IMMP2L: variants seen among roughly 807,000 people sequenced by gnomAD.
IMMP2L encodes mitochondrial inner membrane protease subunit 2.
IMMP2L carries 18 observed loss-of-function variants against 19.3 expected under a neutral mutation model. The ratio of observed to expected loss-of-function variants is 0.93; its 90% CI spans 0.64 to 1.38. The LOEUF is 1.38. Ranked by LOEUF, IMMP2L falls within the 40% of genes most tolerant of loss-of-function variation. IMMP2L has a pLI of 0.00. For synonymous variants in IMMP2L, 76 were observed against 73.0 expected (o/e 1.04, Z -0.21); for missense variants, 233 against 218.2 (o/e 1.07, Z -0.43).
At chr7:110,851,231 T>C (rs149208261) in intron 5 of IMMP2L, among the ~76,000 whole-genome samples, 3 of 152,250 alleles carry the variant, frequency 2.0e-5, no homozygotes, top group Non-Finnish European at 4.4e-5. Context: ...TTTAGCAATA[T>C]AAGTTCACAG....
intron 5 of IMMP2L, among the ~76,000 whole-genome samples, 186 bp downstream of exon 5, chr7:110,886,407 C>T (rs189116748): frequency 7.5e-4 from 114 of 152,066 alleles, no homozygotes; most frequent in African/African-American, 2.7e-3. Context: ...CACACACATA[C>T]CTACATACAC....
chr7:111,080,955 T>G (rs1795838773), intron 3 of IMMP2L, among the ~76,000 whole-genome samples: 1 of 152,356 alleles, frequency 6.6e-6, no homozygotes, highest in East Asian at 1.9e-4. Flanking sequence ...GTAAATATTC[T>G]ATAAGCACAT....
At chr7:110,775,008 A>G (rs2131043687) in intron 5 of IMMP2L, among the ~76,000 whole-genome samples, 1 of 152,224 alleles carries the variant, frequency 6.6e-6, no homozygotes, top group Middle Eastern at 3.4e-3. Context: ...GCCAATTAAA[A>G]TCACACCTTC....
At chr7:111,206,037 A>G (rs1422089906) in intron 3 of IMMP2L, among the ~76,000 whole-genome samples, 1 of 152,224 alleles carries the variant, frequency 6.6e-6, no homozygotes, top group African/African-American at 2.4e-5. Flanking sequence ...TACAAAACAC[A>G]GTGTTAAATC....
At chr7:111,391,851 G>A in intron 3 of IMMP2L, 1 of 702,416 alleles carries the variant, frequency 1.4e-6, no homozygotes, top group South Asian at 1.5e-5. Flanking sequence ...TCTTTCAGTT[G>A]CCTCCACTCT....
chr7:111,298,452 T>C (rs555003929), intron 3 of IMMP2L, among the ~76,000 whole-genome samples: 1 of 152,180 alleles, frequency 6.6e-6, no homozygotes, highest in Non-Finnish European at 1.5e-5. Flanking sequence ...GTTAAAAATA[T>C]ATAATAAAAC....
intron 5 of IMMP2L, among the ~76,000 whole-genome samples, chr7:110,869,823 C>T (rs1808364227): frequency 6.6e-6 from 1 of 152,058 alleles, no homozygotes; most frequent in African/African-American, 2.4e-5. Flanking sequence ...GCTTTGGCTC[C>T]ATCCTTCTTT....
chr7:111,123,052 C>T lies in IMMP2L; in HGVS notation c.240-159487G>A. The T allele has an allele frequency of 6.2e-7, 1 of 1,613,740 alleles. No individual in the cohort carries two copies. Among genetic ancestry groups the T allele is most frequent in the Non-Finnish European group, 8.5e-7 (1 of 1,179,868 alleles). On this transcript the variant is annotated intron_variant, in intron 3 of 5. Coordinates refer to ENST00000405709, the MANE Select transcript of IMMP2L (RefSeq NM_032549.4). The surrounding 1 kb of genome is among the most constrained non-coding windows in gnomAD (Gnocchi z 6.4). ...ATACTCCACAGACTTTCCAGTAAAC[C>T]TTACTGGCCTGGATTTATCTCAAAA...
At chr7:110,811,552 G>T (rs1231458186) in intron 5 of IMMP2L, among the ~76,000 whole-genome samples, 1 of 151,900 alleles carries the variant, frequency 6.6e-6, no homozygotes, top group East Asian at 1.9e-4. Flanking sequence ...TTTTTATCCA[G>T]ACAATTTTTG....
chr7:111,016,701 T>C (rs1479272125), intron 3 of IMMP2L, among the ~76,000 whole-genome samples: 2 of 101,290 alleles, frequency 2.0e-5, no homozygotes, highest in African/African-American at 4.2e-5. Context: ...TTCTATATTA[T>C]ATATAATTTT....
intron 3 of IMMP2L, among the ~76,000 whole-genome samples, chr7:111,436,920 A>G (rs1837230552): frequency 6.6e-6 from 1 of 151,522 alleles, no homozygotes; most frequent in Non-Finnish European, 1.5e-5. Flanking sequence ...GAGGTGCCAC[A>G]CTCTTTTAGA....
intron 3 of IMMP2L, among the ~76,000 whole-genome samples, chr7:111,470,298 C>A (rs1176710031): frequency 0.011 from 1,670 of 149,702 alleles, 37 homozygotes; most frequent in African/African-American, 0.04. Context: ...TAGTTCAACC[C>A]TTGTGGAAGT....
intron 3 of IMMP2L, among the ~76,000 whole-genome samples, chr7:111,135,216 C>G (rs1023281773): frequency 1.3e-5 from 2 of 151,994 alleles, no homozygotes; most frequent in African/African-American, 2.4e-5. Flanking sequence ...GATTTTGAAA[C>G]TAAAATCAAA....
chr7:110,701,583 G>A (rs1479153156), intron 5 of IMMP2L, among the ~76,000 whole-genome samples: 3 of 152,078 alleles, frequency 2.0e-5, no homozygotes, highest in Non-Finnish European at 2.9e-5. Flanking sequence ...ACCAAGCCCA[G>A]CTAATTTTTT....
chr7:111,145,252 A>AT (rs1468017677), intron 3 of IMMP2L, among the ~76,000 whole-genome samples: 2 of 152,178 alleles, frequency 1.3e-5, no homozygotes, highest in Admixed American at 6.5e-5. Context: ...ACATATGCAC[A>AT]TAAGTCAAAA....
Position 111,562,019 on chromosome 7 carries a change from G to C in IMMP2L, c.-171C>G, listed in dbSNP as rs1330183092. On this transcript the variant is annotated 5_prime_UTR_variant, in exon 1 of 6. Transcript: ENST00000405709. Reference sequence around the variant, plus strand: ...ACCTGCCCAACACTTCCAGGCAGAAGGCAGCGCGCCCCCACAGCGCTCCCT... The same window carrying C: ...ACCTGCCCAACACTTCCAGGCAGAACGCAGCGCGCCCCCACAGCGCTCCCT... 2.0e-5 allele frequency: 3 copies of C among 152,618 alleles called. No homozygotes were observed. The highest frequency in any genetic ancestry group is 4.4e-5 in the Non-Finnish European group (3 of 68,206). The allele number at this position is 152,618 out of a possible 1,614,324, so 9.5% of individuals were successfully genotyped here. A position where few individuals can be genotyped will look rare whatever the true frequency, so the allele number is the denominator to read the frequency against.
intron 3 of IMMP2L, among the ~76,000 whole-genome samples, chr7:111,094,851 AGGAACAG>A (rs753892491): frequency 2.0e-5 from 3 of 152,144 alleles, no homozygotes; most frequent in Non-Finnish European, 4.4e-5. Flanking sequence ...GATGGGAAAA[AGGAACAG>A]GGATAAATCG....
intron 3 of IMMP2L, among the ~76,000 whole-genome samples, chr7:111,027,934 T>G (rs1258797319): frequency 6.6e-6 from 1 of 151,940 alleles, no homozygotes; most frequent in African/African-American, 2.4e-5. Flanking sequence ...CTAGGAGAAA[T>G]GATTCCTGAA....
intron 3 of IMMP2L, among the ~76,000 whole-genome samples, chr7:111,436,429 T>C (rs1687714108): frequency 6.6e-6 from 1 of 151,740 alleles, no homozygotes; most frequent in African/African-American, 2.4e-5. Flanking sequence ...CTCAGCATAA[T>C]ATTTCATAAA....
Sources: gnomAD v4.1 joint callset for allele counts (sites outside exome capture counted in the v4.1 genomes callset) on GRCh38, gnomAD v4.1.1 for gene constraint, Gnocchi (gnomAD v3.1) non-coding constraint, MANE v1.5 for transcripts, NCBI Gene and HGNC (gene_info 2026-07-23, HGNC 2026-07-21) for gene names.